Variants in RBFOX1 observed in about 807,000 individuals in gnomAD.
RBFOX1 encodes the protein RNA binding protein fox-1 homolog 1.
A neutral mutation model predicts 57.7 loss-of-function variants in RBFOX1; 8 were observed. The ratio of observed to expected loss-of-function variants is 0.14; its 90% confidence interval spans 0.08 to 0.25. RBFOX1 has a LOEUF of 0.25. Among genes scored for constraint, RBFOX1 ranks in the 10% least tolerant of loss-of-function variants. The pLI is 1.00. For missense variants in RBFOX1, 611 were observed against 548.5 expected, an observed-to-expected ratio of 1.11 and a Z score of -1.14; for synonymous variants, 326 against 222.4, an observed-to-expected ratio of 1.47 and a Z score of -4.15.
At chr16:6,027,643 T>C (rs1160808330) in intron 1 of RBFOX1, among the ~76,000 whole-genome samples, 2 of 152,222 alleles carry the variant, frequency 1.3e-5, no homozygotes, top group South Asian at 4.1e-4. Context: ...TTAGTGCAAG[T>C]AGGAGTCATA....
intron 14 of RBFOX1, chr16:7,693,402 C>T (rs745355655): frequency 2.2e-6 from 3 of 1,394,280 alleles, no homozygotes; most frequent in Non-Finnish European, 3.0e-6. Flanking sequence ...TGCATCCATC[C>T]AAGTCTCAGT....
chr16:5,682,885 C>T (rs1256194981), intron 3 of RBFOX1, among the ~76,000 whole-genome samples: 2 of 152,144 alleles, frequency 1.3e-5, no homozygotes, highest in Non-Finnish European at 2.9e-5. Flanking sequence ...GACTGGCTGC[C>T]ATGAAACAGC....
chr16:7,707,861 G>C (rs1243751963), intron 14 of RBFOX1, among the ~76,000 whole-genome samples: 1 of 151,994 alleles, frequency 6.6e-6, no homozygotes, highest in Non-Finnish European at 1.5e-5. Context: ...TCTTCCTCTT[G>C]AGGACACCCC....
At chr16:6,200,155 A>C (rs2097205890) in intron 1 of RBFOX1, among the ~76,000 whole-genome samples, 1 of 152,144 alleles carries the variant, frequency 6.6e-6, no homozygotes, top group South Asian at 2.1e-4. Context: ...TTGATTCTGA[A>C]AGACAGTGAG....
intron 2 of RBFOX1, among the ~76,000 whole-genome samples, chr16:6,452,162 C>A (rs551165475): frequency 6.6e-6 from 1 of 150,872 alleles, no homozygotes; most frequent in Non-Finnish European, 1.5e-5. Flanking sequence ...TTCCACGGCT[C>A]CATCCATGGA....
At position 7,567,147 on chromosome 16, in the gene RBFOX1, A is replaced by ATCTCCCTATATATATATCCATATATATC. The variant is rs557434672; in HGVS notation, c.271-12628_271-12627insTCCCTATATATATATCCATATATATCTC. ...TCCCTATATATGTATATCCATATAT[A>ATCTCCCTATATATATATCCATATATATC]TCCCTATATATATATCCATATATAT... is the stretch of plus-strand genomic sequence containing the variant. On this transcript the variant is annotated intron_variant, in intron 5 of 15. Coordinates refer to ENST00000550418, the MANE Select transcript of RBFOX1 (RefSeq NM_018723.4). Among the ~76,000 whole-genome samples, 8 of 31,596 alleles carry ATCTCCCTATATATATATCCATATATATC rather than the reference A, an allele frequency of 2.5e-4. 1 individual carries two copies. The highest frequency in any genetic ancestry group is 1.6e-3 in the South Asian group (2 of 1,276). The allele number at this position is 31,596 out of a possible 152,430, so 20.7% of individuals were successfully genotyped here.
At chr16:6,095,609 G>T (rs571814445) in intron 1 of RBFOX1, among the ~76,000 whole-genome samples, 2 of 152,240 alleles carry the variant, frequency 1.3e-5, no homozygotes, top group African/African-American at 4.8e-5. Flanking sequence ...ACCTGATAAA[G>T]CCTCTGCCTG....
At chr16:6,186,406 G>T (rs543401399) in intron 1 of RBFOX1, among the ~76,000 whole-genome samples, 4 of 152,168 alleles carry the variant, frequency 2.6e-5, no homozygotes, top group African/African-American at 9.7e-5. Flanking sequence ...GTTCCATGCC[G>T]AGGTGTGAGC....
chr16:6,956,516 A>G (rs2081881086), intron 3 of RBFOX1, among the ~76,000 whole-genome samples: 1 of 152,056 alleles, frequency 6.6e-6, no homozygotes, highest in Non-Finnish European at 1.5e-5. Flanking sequence ...GTAAACCTGG[A>G]GTGGGGAAGG....
rs145270957 is a variant in RBFOX1 at position 6,699,608 on chromosome 16, G to A, written c.-16+44958G>A. ...GACAAATGGGCTCTTTAAACTGTAC[G>A]ACGGGAAGAGTGTTTTTGTTGGCAT... On this transcript the variant is annotated intron_variant, in intron 3 of 15. Coordinates refer to ENST00000550418, the MANE Select transcript of RBFOX1 (RefSeq NM_018723.4). Among the ~76,000 whole-genome samples the A allele has an allele frequency of 2.0e-5, 3 of 152,280 alleles. No individual in the cohort carries two copies. The East Asian group carries it at 5.8e-4, about 29-fold the overall frequency.
intron 3 of RBFOX1, among the ~76,000 whole-genome samples, chr16:6,943,441 G>A (rs559410267): frequency 3.3e-5 from 5 of 152,284 alleles, no homozygotes; most frequent in South Asian, 2.1e-4. Flanking sequence ...GGGCGTGGTG[G>A]CTCACACCTG....
intron 3 of RBFOX1, among the ~76,000 whole-genome samples, chr16:7,025,030 C>T (rs570406888): frequency 3.9e-5 from 6 of 152,180 alleles, no homozygotes; most frequent in East Asian, 3.9e-4. Flanking sequence ...CCCAAGAGAG[C>T]GTTCTCAGAT....
chr16:6,408,650 C>G (rs575289158), intron 2 of RBFOX1, among the ~76,000 whole-genome samples: 1 of 152,280 alleles, frequency 6.6e-6, no homozygotes, highest in South Asian at 2.1e-4. Context: ...TCTTCCCTCC[C>G]TCTCTGACAC....
At chr16:6,117,944 C>T (rs1041186268) in intron 1 of RBFOX1, among the ~76,000 whole-genome samples, 4 of 151,970 alleles carry the variant, frequency 2.6e-5, no homozygotes, top group African/African-American at 9.7e-5. Context: ...GGTGATAAAG[C>T]GAAATATTTC....
chr16:7,364,662 T>C (rs933407798), intron 4 of RBFOX1, among the ~76,000 whole-genome samples: 4 of 152,126 alleles, frequency 2.6e-5, no homozygotes, highest in African/African-American at 9.7e-5. Flanking sequence ...TGAATGCCTT[T>C]TCTTCTATCT....
chr16:5,478,727 G>A (rs118010159), intron 2 of RBFOX1, among the ~76,000 whole-genome samples: 1,710 of 152,220 alleles, frequency 0.011, 11 homozygotes, highest in Non-Finnish European at 0.018. Flanking sequence ...ACCCCAGCAC[G>A]AGGCACCTTT....
intron 3 of RBFOX1, among the ~76,000 whole-genome samples, chr16:6,879,255 G>A (rs890868479): frequency 2.0e-5 from 3 of 152,110 alleles, no homozygotes; most frequent in African/African-American, 7.2e-5. Context: ...GGCTTTCAGT[G>A]AATTTATTTA....
chr16:6,073,162 C>G (rs182308923), intron 1 of RBFOX1, among the ~76,000 whole-genome samples: 1 of 152,182 alleles, frequency 6.6e-6, no homozygotes, highest in African/African-American at 2.4e-5. Flanking sequence ...GGGTTGGCCA[C>G]AAGTTGATAA....
intron 4 of RBFOX1, among the ~76,000 whole-genome samples, chr16:7,113,311 T>A (rs2065187185): frequency 6.6e-6 from 1 of 152,190 alleles, no homozygotes; most frequent in Non-Finnish European, 1.5e-5. Context: ...TTTATCTTTT[T>A]TTGGACTTTG....
Sources: gnomAD v4.1 joint callset for allele counts (sites outside exome capture counted in the v4.1 genomes callset) on GRCh38, gnomAD v4.1.1 for gene constraint, MANE v1.5 for transcripts, NCBI Gene and HGNC (gene_info 2026-07-23, HGNC 2026-07-21) for gene names.